The following SERPINA9 variants were observed in gnomAD, a reference collection of about 807,000 sequenced individuals.
SERPINA9 encodes the protein serpin A9.
A neutral mutation model predicts 24.5 loss-of-function variants in SERPINA9; 32 were observed. That is an observed-to-expected ratio of 1.30 (90% CI 0.98 to 1.75). The LOEUF (loss-of-function observed/expected upper bound fraction) is 1.75, where lower values mean the gene tolerates loss of function less well. Ranked by LOEUF, SERPINA9 falls within the 40% of genes most tolerant of loss-of-function variation. The probability of loss-of-function intolerance (pLI) is 0.00; values close to 1 mark genes in which losing one functional copy is unlikely to be tolerated. For synonymous variants in SERPINA9, 233 were observed against 197.7 expected, an observed-to-expected ratio of 1.18 and a Z score of -1.50; for missense variants, 594 against 497.1, an observed-to-expected ratio of 1.19 and a Z score of -1.85.
In SERPINA9 at chr14:94,469,461, T is replaced by C; in HGVS notation, c.380A>G (p.Asp127Gly). Residue 127 changes from aspartate (D) to glycine (G), a missense_variant, in exon 2 of 5, where the codon GAC becomes GGC. Transcript: ENST00000674397. Reference protein sequence around the residue: ...LVHSLTVPSKDLTLKMGSALF... With the variant: ...LVHSLTVPSKGLTLKMGSALF... The stretch of plus-strand genomic sequence containing the variant: ...GGCACTTCCCATCTTCAAGGTCAGG[T>C]CTTTGCTGGGAACAGTCAGTGAGTG... 3.1e-6 allele frequency: 5 copies of C among 1,614,134 alleles called. No individual in the cohort carries two copies. Among genetic ancestry groups the C allele is most frequent in the Non-Finnish European group, 4.2e-6 (5 of 1,180,016 alleles).
chr14:94,475,507 C>G (rs2139828570), intron 1 of SERPINA9, among the ~76,000 whole-genome samples: 1 of 152,088 alleles, frequency 6.6e-6, no homozygotes, highest in Admixed American at 6.5e-5. Flanking sequence ...AAGAGAGATC[C>G]TATGAAAAGG....
rs995745024 is a variant in SERPINA9 at position 94,475,388 on chromosome 14, T to C, written c.-18+748A>G. ...TGGAATGGATGCCCACCCTGCTACATGTGTGCTACATATGCATGTGTGCCT... is the reference window on the plus strand; with the variant it reads ...TGGAATGGATGCCCACCCTGCTACACGTGTGCTACATATGCATGTGTGCCT... On this transcript the variant is annotated intron_variant, in intron 1 of 4. Coordinates refer to ENST00000674397, the MANE Select transcript of SERPINA9 (RefSeq NM_175739.4). Among the ~76,000 whole-genome samples the C allele has an allele frequency of 2.9e-4, 44 of 152,124 alleles. 1 individual carries two copies. Among genetic ancestry groups the C allele is most frequent in the African/African-American group, 9.4e-4 (39 of 41,418 alleles).
At chr14:94,463,607 A>G (rs866617660) in intron 4 of SERPINA9, among the ~76,000 whole-genome samples, 1 of 152,324 alleles carries the variant, frequency 6.6e-6, no homozygotes, top group South Asian at 2.1e-4. Context: ...ATAAAAGGTA[A>G]TAATAACTGC....
rs758826150 is a variant in SERPINA9 at position 94,469,307 on chromosome 14, A to G, written c.534T>C (p.His178=). The change falls in exon 2 of 5, where the codon CAT becomes CAC. Residue 178 remains histidine, a synonymous_variant. Transcript: ENST00000674397. ...CCTTCCCTTGGGTCTTCTTTTTCAC[A>G]TGGCTGTTGATCCTCGCCTGGGCAA... ...PSIAQARINS[H]VKKKTQGKVV... is the part of the protein sequence containing the mutation. The G allele has an allele frequency of 4.3e-6, 7 of 1,614,260 alleles. 1 individual carries two copies. In the South Asian group the frequency reaches 5.5e-5, roughly 13 times the overall value.
intron 1 of SERPINA9, among the ~76,000 whole-genome samples, chr14:94,471,681 C>CT (rs1451216686): frequency 6.6e-6 from 1 of 152,176 alleles, no homozygotes; most frequent in Admixed American, 6.5e-5. Context: ...CTACTGGACT[C>CT]TTTGCCAACC....
intron 1 of SERPINA9, among the ~76,000 whole-genome samples, chr14:94,471,084 C>T (rs181874657): frequency 2.3e-4 from 33 of 140,654 alleles, no homozygotes; most frequent in Admixed American, 2.9e-4. Context: ...ATAATTTCCC[C>T]CCCATGACCT....
rs761718690 is a variant in SERPINA9 at position 94,469,654 on chromosome 14, T to A, written c.187A>T (p.Thr63Ser). The A allele has an allele frequency of 7.4e-6, 12 of 1,613,538 alleles. No individual in the cohort carries two copies. The Admixed American group carries it at 1.3e-4, about 18-fold the overall frequency. ...GAGAAGAAGATGTTCTGACTCGGGG[T>A]CTCCAAAACCAGCCTGCGGTATAGG... ...FRLYRRLVLE[T>S]PSQNIFFSPV... Residue 63 changes from threonine to serine, a missense_variant, in exon 2 of 5, where the codon ACC (threonine) becomes TCC (serine). Transcript: ENST00000674397.
chr14:94,475,268 T>C (rs2139826930), intron 1 of SERPINA9, among the ~76,000 whole-genome samples: 1 of 152,224 alleles, frequency 6.6e-6, no homozygotes, highest in Admixed American at 6.5e-5. Flanking sequence ...CCACCAGCCT[T>C]TATCCACCCG....
rs11628722 is a variant in SERPINA9 at position 94,464,768 on chromosome 14, A to G, written c.989T>C (p.Val330Ala). 0.81 allele frequency: 1,302,067 copies of G among 1,612,534 alleles called. 533,131 individuals carry two copies. Among genetic ancestry groups the G allele is most frequent in the South Asian group, 0.86 (78,141 of 91,020 alleles). ...TILPKMGIQN[V>A]FDKNADFSGI... ...AGAAAAATCAGCATTTTTGTCAAAG[A>G]CATTTTGGATGCCCATCTTCGGGAG... Residue 330 changes from valine to alanine, a missense_variant, in exon 4 of 5, where the codon GTC becomes GCC. By Grantham distance (64) the Val-to-Ala change is moderately conservative. Transcript: ENST00000674397.
At position 94,467,109 on chromosome 14, in the gene SERPINA9, C is replaced by A. The variant is rs368040594; in HGVS notation, c.902G>T (p.Arg301Met). 2.7e-5 allele frequency: 44 copies of A among 1,612,444 alleles called. No individual in the cohort carries two copies. In the Admixed American group the frequency reaches 6.2e-4, roughly 23 times the overall value. ...CCAGGAGATTGACACAGATGCCCACCTTTTCTGGAGTGAGTGGCTCCACTT... is the reference window on the plus strand; with the variant it reads ...CCAGGAGATTGACACAGATGCCCACATTTTCTGGAGTGAGTGGCTCCACTT... Reference protein sequence around the residue: ...LRKWSHSLQKRWIEVFIPRFS... With the variant: ...LRKWSHSLQKMWIEVFIPRFS... The change falls in exon 3 of 5, where the codon AGG (arginine) becomes ATG (methionine). Residue 301 changes from arginine to methionine, a missense_variant and splice_region_variant. By Grantham distance (91) the Arg-to-Met change is moderately conservative. Coordinates refer to ENST00000674397, the MANE Select transcript of SERPINA9 (RefSeq NM_175739.4).
At chr14:94,473,425 A>G (rs1196770484) in intron 1 of SERPINA9, among the ~76,000 whole-genome samples, 1 of 150,912 alleles carries the variant, frequency 6.6e-6, no homozygotes, top group African/African-American at 2.4e-5. Context: ...AGGCTGAGAC[A>G]GGAGAATCAC....
At position 94,469,278 on chromosome 14, in the gene SERPINA9, A is replaced by G; in HGVS notation, c.563T>C (p.Val188Ala). The G allele has an allele frequency of 6.2e-7, 1 of 1,614,172 alleles. No individual in the cohort carries two copies. Among genetic ancestry groups the G allele is most frequent in the South Asian group, 1.1e-5 (1 of 91,080 alleles). Residue 188 changes from valine (V) to alanine (A), a missense_variant, in exon 2 of 5, where the codon GTA becomes GCA. By Grantham distance (64) the Val-to-Ala change is moderately conservative (BLOSUM62 0). Transcript: ENST00000674397. ...AAGGTCAAGGCCTTGGATTATGTCT[A>G]CAACCTTCCCTTGGGTCTTCTTTTT... ...HVKKKTQGKVVDIIQGLDLLT... is the reference protein window; with the variant it reads ...HVKKKTQGKVADIIQGLDLLT...
chr14:94,470,241 G>T (rs771528892), intron 1 of SERPINA9: 33 of 999,952 alleles, frequency 3.3e-5, no homozygotes, highest in Non-Finnish European at 3.7e-5. Context: ...GCCAGAAGTG[G>T]TTTCTCACCC....
chr14:94,466,993 G>C, intron 3 of SERPINA9, 116 bp downstream of exon 3: 1 of 1,176,328 alleles, frequency 8.5e-7, no homozygotes, highest in Non-Finnish European at 1.2e-6. Flanking sequence ...CCTGCATGCA[G>C]TTGGTGCTCA....
Position 94,464,841 on chromosome 14 carries a change from A to C in SERPINA9, c.916T>G (p.Phe306Val), listed in dbSNP as rs1257263764. ...HSLQKRWIEV[F>V]IPRFSISASY... ...GCAGAAATGGAAAATCTGGGGATGA[A>C]CACCTCTATCCACCTGTGGAGTAGG... The change falls in exon 4 of 5, where the codon TTC becomes GTC. Residue 306 changes from phenylalanine (F) to valine (V), a missense_variant. Phe to Val is a conservative substitution (Grantham distance 50). Coordinates refer to ENST00000674397, the MANE Select transcript of SERPINA9 (RefSeq NM_175739.4). 4 of 1,613,656 alleles carry C rather than the reference A, an allele frequency of 2.5e-6. No individual in the cohort carries two copies. The African/African-American group carries it at 5.3e-5, about 22-fold the overall frequency.
At chr14:94,474,028 C>T (rs925170449) in intron 1 of SERPINA9, among the ~76,000 whole-genome samples, 1 of 152,236 alleles carries the variant, frequency 6.6e-6, no homozygotes, top group African/African-American at 2.4e-5. Context: ...TTTTGTGTCC[C>T]TCCCTTGGAA....
rs771556719 is a variant in SERPINA9 at position 94,467,264 on chromosome 14, C to A, written c.747G>T (p.Gly249=). The A allele has an allele frequency of 1.2e-6, 2 of 1,614,218 alleles. No individual in the cohort carries two copies. Among genetic ancestry groups the A allele is most frequent in the Admixed American group, 3.3e-5 (2 of 60,026 alleles). ...MMHQKEQFAF[G]VDTELNCFVL... is the part of the protein sequence containing the mutation. Reference sequence around the variant, plus strand: ...CAAAGCAGTTCAGCTCTGTATCCACCCCAAAAGCGAACTGCTCTTTCTGGT... The same window carrying A: ...CAAAGCAGTTCAGCTCTGTATCCACACCAAAAGCGAACTGCTCTTTCTGGT... The change falls in exon 3 of 5, where the codon GGG becomes GGT. Residue 249 remains glycine, a synonymous_variant. Coordinates refer to ENST00000674397, the MANE Select transcript of SERPINA9 (RefSeq NM_175739.4).
chr14:94,465,589 A>G (rs977329022), intron 3 of SERPINA9, among the ~76,000 whole-genome samples: 26 of 152,116 alleles, frequency 1.7e-4, no homozygotes, highest in African/African-American at 5.8e-4. Context: ...GTGCAATGGC[A>G]CAGTCTCTGC....
chr14:94,468,541 C>T (rs1899128977), intron 2 of SERPINA9, among the ~76,000 whole-genome samples: 1 of 152,202 alleles, frequency 6.6e-6, no homozygotes, highest in Admixed American at 6.5e-5. Flanking sequence ...TGGCACAGGT[C>T]AGGCACTCAA....
Sources: gnomAD v4.1 joint callset for allele counts (sites outside exome capture counted in the v4.1 genomes callset) on GRCh38, gnomAD v4.1.1 for gene constraint, MANE v1.5 for transcripts, NCBI Gene and HGNC (gene_info 2026-07-23, HGNC 2026-07-21) for gene names.